DDX10: variants seen among roughly 807,000 people sequenced by gnomAD.
The protein encoded by DDX10 is DEAD-box helicase 10.
In DDX10, 74 loss-of-function variants were observed where a neutral mutation model predicts 104.3. The ratio of observed to expected loss-of-function variants is 0.71; its 90% confidence interval spans 0.59 to 0.86. DDX10 has a LOEUF of 0.86. Ranked by LOEUF, DDX10 falls within the 40% of genes least tolerant of loss-of-function variation. DDX10 has a pLI of 0.00. For missense variants in DDX10, 952 were observed against 1,040.0 expected (o/e 0.92, Z 1.16); for synonymous variants, 351 against 353.4 (o/e 0.99, Z 0.08).
chr11:108,710,115 A>G lies in DDX10; in HGVS notation c.1322+3278A>G, dbSNP rs570352563. ...CAGTAAAAATACAGTATAAAAGATA[A>G]AAAGCATACCTGCATAGGGCACTTA... On this transcript the variant is annotated intron_variant, in intron 10 of 17. Coordinates refer to ENST00000322536, the MANE Select transcript of DDX10 (RefSeq NM_004398.4). Among the ~76,000 whole-genome samples, 24 of 152,322 alleles carry G rather than the reference A, an allele frequency of 1.6e-4. No homozygotes were observed. In the East Asian group the frequency reaches 3.3e-3, roughly 21 times the overall value.
Position 108,744,036 on chromosome 11 carries a change from T to C in DDX10, c.1965+20574T>C, listed in dbSNP as rs143605359. Among the ~76,000 whole-genome samples the C allele has an allele frequency of 2.6e-3, 389 of 152,256 alleles. 2 individuals carry two copies. Among genetic ancestry groups the C allele is most frequent in the Middle Eastern group, 0.02 (6 of 294 alleles). On this transcript the variant is annotated intron_variant, in intron 13 of 17. Transcript: ENST00000322536. ...CCTATGTGTTCACATCTGTGCTGGGTTTATATGTTCTTGCCAACAGTGTAC... is the reference window on the plus strand; with the variant it reads ...CCTATGTGTTCACATCTGTGCTGGGCTTATATGTTCTTGCCAACAGTGTAC...
intron 6 of DDX10, 63 bp downstream of exon 6, chr11:108,679,623 A>G (rs1197236858): frequency 2.5e-6 from 3 of 1,208,840 alleles, no homozygotes; most frequent in Non-Finnish European, 3.4e-6. Flanking sequence ...GGGATTTGGT[A>G]TTTTAAATAT....
At chr11:108,679,834 A>G (rs1291868398) in intron 6 of DDX10, among the ~76,000 whole-genome samples, 2 of 152,210 alleles carry the variant, frequency 1.3e-5, no homozygotes, top group East Asian at 3.8e-4. Flanking sequence ...TGCCAACACT[A>G]CCTCTTAATA....
At chr11:108,916,096 T>G (rs906820916) in intron 16 of DDX10, among the ~76,000 whole-genome samples, 1 of 152,080 alleles carries the variant, frequency 6.6e-6, no homozygotes, top group Non-Finnish European at 1.5e-5. Flanking sequence ...ATCTTCCCCA[T>G]GTTAACAAAA....
intron 12 of DDX10, among the ~76,000 whole-genome samples, chr11:108,721,288 C>T (rs1531470): frequency 0.89 from 135,190 of 152,232 alleles, 60,278 homozygotes; most frequent in East Asian, 0.99. Flanking sequence ...ATTTAAGTGA[C>T]AGATGGAAAG....
At chr11:108,894,525 C>T (rs1003734803) in intron 16 of DDX10, among the ~76,000 whole-genome samples, 20 of 151,796 alleles carry the variant, frequency 1.3e-4, no homozygotes, top group Non-Finnish European at 8.8e-5. Flanking sequence ...AAAGTAGAAG[C>T]CTAAAGTGAA....
chr11:108,732,330 T>C (rs1039994130), intron 13 of DDX10, among the ~76,000 whole-genome samples: 1 of 152,220 alleles, frequency 6.6e-6, no homozygotes, highest in Non-Finnish European at 1.5e-5. Context: ...CAGTTAAACC[T>C]ATTTGTGATG....
chr11:108,740,609 T>C (rs1001682272), intron 13 of DDX10, among the ~76,000 whole-genome samples: 1 of 152,216 alleles, frequency 6.6e-6, no homozygotes, highest in African/African-American at 2.4e-5. Context: ...ACCAGCAGTA[T>C]ATAAGTGCTC....
chr11:108,851,522 A>C (rs761490478), intron 15 of DDX10, among the ~76,000 whole-genome samples: 4 of 152,188 alleles, frequency 2.6e-5, no homozygotes, highest in Non-Finnish European at 5.9e-5. Flanking sequence ...TCATTAGAGA[A>C]CCAATTCAGG....
intron 13 of DDX10, among the ~76,000 whole-genome samples, chr11:108,824,032 T>C (rs1862362726): frequency 6.6e-6 from 1 of 152,144 alleles, no homozygotes; most frequent in African/African-American, 2.4e-5. Context: ...TGAAATAGTT[T>C]CGTGATTTCT....
intron 13 of DDX10, among the ~76,000 whole-genome samples, chr11:108,816,012 A>G (rs1038582102): frequency 4.6e-5 from 7 of 151,668 alleles, no homozygotes; most frequent in Non-Finnish European, 1.0e-4. Context: ...CCATTTTGCT[A>G]AACTCAAGGA....
chr11:108,843,218 C>T (rs1862664623), intron 15 of DDX10, among the ~76,000 whole-genome samples: 1 of 151,920 alleles, frequency 6.6e-6, no homozygotes, highest in South Asian at 2.1e-4. Flanking sequence ...ATAACTGCAC[C>T]TGTGAATAGC....
chr11:108,842,666 A>G (rs552859019), intron 15 of DDX10, among the ~76,000 whole-genome samples: 62 of 152,330 alleles, frequency 4.1e-4, no homozygotes, highest in African/African-American at 1.4e-3. Flanking sequence ...TAATTGTTGG[A>G]TATTTATGTT....
intron 1 of DDX10, among the ~76,000 whole-genome samples, chr11:108,665,889 T>A (rs987505094): frequency 6.6e-6 from 1 of 152,180 alleles, no homozygotes; most frequent in African/African-American, 2.4e-5. Flanking sequence ...TGCTCCTTCC[T>A]GTGGCCACCT....
intron 13 of DDX10, among the ~76,000 whole-genome samples, chr11:108,769,473 G>T (rs2094360248): frequency 6.6e-6 from 1 of 151,828 alleles, no homozygotes; most frequent in South Asian, 2.1e-4. Flanking sequence ...TCTCATTTTT[G>T]TGATGTTGAT....
rs192745918 is a variant in DDX10, at chr11:108,691,176, G to T, written c.976-700G>T. Among the ~76,000 whole-genome samples the T allele has an allele frequency of 4.3e-3, 658 of 152,142 alleles. 1 individual carries two copies. Among genetic ancestry groups the T allele is most frequent in the Non-Finnish European group, 7.5e-3 (509 of 68,010 alleles). On this transcript the variant is annotated intron_variant, in intron 7 of 17. Transcript: ENST00000322536. ...CAAAATTGAAGAGAGACTTTAATGG[G>T]GTCTTTCTCTTTAATTGAGCGACTG...
Position 108,806,594 on chromosome 11 carries a change from T to C in DDX10, c.1966-31852T>C, listed in dbSNP as rs374627569. On this transcript the variant is annotated intron_variant, in intron 13 of 17. Coordinates refer to ENST00000322536, the MANE Select transcript of DDX10 (RefSeq NM_004398.4). Reference sequence around the variant, plus strand: ...GTAAATTAGGTAAATCACAGTACAGTGAGCACTGTGAAGGAAATAAGCAGT... The same window carrying C: ...GTAAATTAGGTAAATCACAGTACAGCGAGCACTGTGAAGGAAATAAGCAGT... Among the ~76,000 whole-genome samples, 6 of 152,248 alleles carry C rather than the reference T, an allele frequency of 3.9e-5. No individual in the cohort carries two copies. The East Asian group carries it at 1.2e-3, about 29-fold the overall frequency.
chr11:108,792,413 C>T (rs1861883945), intron 13 of DDX10, among the ~76,000 whole-genome samples: 1 of 152,118 alleles, frequency 6.6e-6, no homozygotes, highest in Non-Finnish European at 1.5e-5. Flanking sequence ...GGCATATGAT[C>T]CATTTTGATT....
intron 13 of DDX10, among the ~76,000 whole-genome samples, chr11:108,737,082 G>T (rs1051939347): frequency 1.3e-5 from 2 of 152,028 alleles, no homozygotes; most frequent in African/African-American, 4.8e-5. Flanking sequence ...CTTGTTTGTA[G>T]CATGGAGTCC....
Sources: allele counts gnomAD v4.1 joint callset (sites outside exome capture counted in the v4.1 genomes callset), GRCh38; gene constraint gnomAD v4.1.1; transcripts MANE v1.5; gene names NCBI Gene and HGNC (gene_info 2026-07-23, HGNC 2026-07-21).